The following DRD3 variants were observed in gnomAD, a reference collection of about 807,000 sequenced individuals.
DRD3 encodes the protein dopamine receptor D3, also known as D(3) dopamine receptor.
DRD3 carries 19 observed loss-of-function variants against 36.3 expected under a neutral mutation model. The observed-to-expected ratio is 0.52, with a 90% CI of 0.36 to 0.77. The LOEUF (loss-of-function observed/expected upper bound fraction) is 0.77, where lower values mean the gene tolerates loss of function less well. Ranked by LOEUF, DRD3 falls within the 30% of genes least tolerant of loss-of-function variation. DRD3 has a pLI of 0.00. For synonymous variants in DRD3, 195 were observed against 203.7 expected (o/e 0.96, Z 0.36); for missense variants, 465 against 505.3 (o/e 0.92, Z 0.77).
intron 1 of DRD3, among the ~76,000 whole-genome samples, chr3:114,172,370 A>G (rs2077854990): frequency 6.6e-6 from 1 of 152,218 alleles, no homozygotes; most frequent in Admixed American, 6.5e-5. Flanking sequence ...TATAATCAGG[A>G]ACTCCTCATG....
intron 1 of DRD3, among the ~76,000 whole-genome samples, chr3:114,172,914 A>G (rs2077860819): frequency 6.6e-6 from 1 of 150,944 alleles, no homozygotes; most frequent in Non-Finnish European, 1.5e-5. Context: ...TCTTGCCCCA[A>G]GCTCTAGAGG....
intron 1 of DRD3, among the ~76,000 whole-genome samples, chr3:114,196,459 C>T (rs1000888246): frequency 6.6e-6 from 1 of 152,116 alleles, no homozygotes; most frequent in Non-Finnish European, 1.5e-5. Flanking sequence ...GGACCACATG[C>T]TCACATCACC....
upstream of DRD3, among the ~76,000 whole-genome samples, chr3:114,179,609 C>A (rs1189468853): frequency 6.6e-6 from 1 of 152,176 alleles, no homozygotes; most frequent in African/African-American, 2.4e-5. Context: ...AGAACATAAA[C>A]AATCCTAACT....
At chr3:114,196,550 C>A (rs2078036425) in intron 1 of DRD3, among the ~76,000 whole-genome samples, 1 of 152,164 alleles carries the variant, frequency 6.6e-6, no homozygotes, top group South Asian at 2.1e-4. Flanking sequence ...TAGGTATAAA[C>A]CAGTACCACA....
intron 4 of DRD3, among the ~76,000 whole-genome samples, chr3:114,143,687 T>A (rs1296188622): frequency 1.3e-5 from 2 of 152,086 alleles, no homozygotes; most frequent in African/African-American, 4.8e-5. Flanking sequence ...AAGCTCCCCC[T>A]CCCCCAACCT....
chr3:114,188,576 T>A (rs943229059), intron 1 of DRD3, among the ~76,000 whole-genome samples: 14 of 152,232 alleles, frequency 9.2e-5, no homozygotes, highest in Non-Finnish European at 1.8e-4. Flanking sequence ...GTTCACAATA[T>A]GGCTGCACCA....
chr3:114,135,575 T>C (rs965382604), intron 5 of DRD3, among the ~76,000 whole-genome samples: 1 of 152,248 alleles, frequency 6.6e-6, no homozygotes, highest in Non-Finnish European at 1.5e-5. Context: ...TTTAACATTT[T>C]TTGGTTTTTA....
Position 114,151,080 on chromosome 3 carries a change from A to C in DRD3, c.384-3523T>G, listed in dbSNP as rs575322783. 3.9e-5 allele frequency among the ~76,000 whole-genome samples: 6 copies of C among 152,342 alleles called. No individual in the cohort carries two copies. The South Asian group carries it at 1.2e-3, about 32-fold the overall frequency. On this transcript the variant is annotated intron_variant, in intron 3 of 6. Coordinates refer to ENST00000383673, the MANE Select transcript of DRD3 (RefSeq NM_000796.6). ...CAACCTAGTTCCCTTCATCTGATGC[A>C]AGTCCTCTCTTAAATCCCCTCCTTG...
At chr3:114,137,559 T>C (rs1325960565) in intron 5 of DRD3, among the ~76,000 whole-genome samples, 1 of 152,140 alleles carries the variant, frequency 6.6e-6, no homozygotes, top group Non-Finnish European at 1.5e-5. Context: ...TCAGAGATAA[T>C]GTAGGTCATC....
In DRD3 at chr3:114,171,906, A is replaced by G. The variant is rs1158923776; in HGVS notation, c.87T>C (p.His29=). The part of the protein sequence containing the change: ...NSTGASQARP[H]AYYALSYCAL... ...CGCAGTAGGAGAGGGCATAGTAGGCATGTGGGCGGGCCTGGCTGGCACCTG... is the reference window on the plus strand; with the variant it reads ...CGCAGTAGGAGAGGGCATAGTAGGCGTGTGGGCGGGCCTGGCTGGCACCTG... Residue 29 remains histidine (H), a synonymous_variant, in exon 2 of 7, where the codon CAT becomes CAC. Transcript: ENST00000383673. 3 of 1,610,272 alleles carry G rather than the reference A, an allele frequency of 1.9e-6. No homozygotes were observed. Among genetic ancestry groups the G allele is most frequent in the Non-Finnish European group, 1.7e-6 (2 of 1,178,018 alleles).
Position 114,128,754 on chromosome 3 carries a change from C to T in DRD3, c.1165G>A (p.Glu389Lys), listed in dbSNP as rs1235033455. 3.1e-6 allele frequency: 5 copies of T among 1,609,272 alleles called. No individual in the cohort carries two copies. Among genetic ancestry groups the T allele is most frequent in the Non-Finnish European group, 3.4e-6 (4 of 1,177,808 alleles). ...NPVIYTTFNI[E>K]FRKAFLKILS... is the part of the protein sequence containing the mutation. ...ATCTTGAGGAAGGCTTTCCGGAACT[C>T]GATATTGAAGGTGGTATAGATCACA... Residue 389 changes from glutamate (E) to lysine (K), a missense_variant, in exon 7 of 7, where the codon GAG becomes AAG. Glu to Lys is a moderately conservative substitution (Grantham distance 56). Coordinates refer to ENST00000383673, the MANE Select transcript of DRD3 (RefSeq NM_000796.6).
upstream of DRD3, among the ~76,000 whole-genome samples, chr3:114,183,744 G>A (rs898452738): frequency 2.6e-5 from 4 of 151,772 alleles, no homozygotes; most frequent in African/African-American, 9.6e-5. Flanking sequence ...AGCCATTCCT[G>A]CTCTCTTTTG....
At chr3:114,171,586 A>G in intron 2 of DRD3, 137 bp downstream of exon 2, 1 of 1,131,498 alleles carries the variant, frequency 8.8e-7, no homozygotes, top group Admixed American at 2.8e-5. Context: ...CTCTCTCATT[A>G]CAGGGAGAAT....
intron 4 of DRD3, 102 bp from the exon 5 acceptor site, chr3:114,139,798 G>T: frequency 9.2e-7 from 1 of 1,089,660 alleles, no homozygotes; most frequent in Non-Finnish European, 1.3e-6. Flanking sequence ...TGCACTTTCT[G>T]CTGCACAGGG....
chr3:114,161,484 T>G (rs2077732478), intron 2 of DRD3, among the ~76,000 whole-genome samples: 1 of 152,196 alleles, frequency 6.6e-6, no homozygotes, highest in East Asian at 1.9e-4. Flanking sequence ...GATTTATTTC[T>G]TTTTTTGCAT....
intron 3 of DRD3, among the ~76,000 whole-genome samples, chr3:114,158,208 T>C (rs963699210): frequency 4.0e-5 from 6 of 151,712 alleles, no homozygotes; most frequent in Admixed American, 6.6e-5. Context: ...GTCCAGGAGT[T>C]TGAGACCAGC....
chr3:114,165,934 G>T (rs62267152), intron 2 of DRD3, among the ~76,000 whole-genome samples: 2 of 151,460 alleles, frequency 1.3e-5, no homozygotes, highest in Non-Finnish European at 2.9e-5. Context: ...AGACTTCCAG[G>T]GCTGCCCTGG....
chr3:114,169,157 T>A (rs763544766), intron 2 of DRD3, among the ~76,000 whole-genome samples: 1 of 152,014 alleles, frequency 6.6e-6, no homozygotes, highest in Non-Finnish European at 1.5e-5. Flanking sequence ...CATGGATTTA[T>A]GTATTCATAG....
chr3:114,166,885 A>G (rs1306082870), intron 2 of DRD3, among the ~76,000 whole-genome samples: 1 of 152,284 alleles, frequency 6.6e-6, no homozygotes, highest in Non-Finnish European at 1.5e-5. Flanking sequence ...TTAATATTCT[A>G]TGACTTTTAT....
Sources: gnomAD v4.1 joint callset for allele counts (sites outside exome capture counted in the v4.1 genomes callset) on GRCh38, gnomAD v4.1.1 for gene constraint, MANE v1.5 for transcripts, NCBI Gene and HGNC (gene_info 2026-07-23, HGNC 2026-07-21) for gene names.